ZNF573: variants seen among roughly 807,000 people sequenced by gnomAD.
ZNF573 encodes zinc finger protein 573.
Under a neutral mutation model 57.4 loss-of-function variants are expected in ZNF573, and 41 were observed. The ratio of observed to expected loss-of-function variants is 0.71; its 90% CI spans 0.56 to 0.93. The LOEUF (loss-of-function observed/expected upper bound fraction) is 0.93, where lower values mean the gene tolerates loss of function less well. Among genes scored for constraint, ZNF573 ranks in the 40% least tolerant of loss-of-function variants. The pLI, the probability that ZNF573 is intolerant of heterozygous loss-of-function variation, is 0.00. For synonymous variants in ZNF573, 249 were observed against 261.0 expected, an observed-to-expected ratio of 0.95 and a Z score of 0.44; for missense variants, 730 against 794.8, an observed-to-expected ratio of 0.92 and a Z score of 0.98.
chr19:37,743,659 A>C (rs1004710266), intron 4 of ZNF573, among the ~76,000 whole-genome samples: 26 of 152,216 alleles, frequency 1.7e-4, no homozygotes, highest in Non-Finnish European at 2.6e-4. Flanking sequence ...AAGAAATATA[A>C]ATCATTCTAC....
At chr19:37,771,391 A>G (rs1452466461) in intron 3 of ZNF573, among the ~76,000 whole-genome samples, 173 bp downstream of exon 3, 1 of 152,194 alleles carries the variant, frequency 6.6e-6, no homozygotes, top group East Asian at 1.9e-4. Context: ...GGATGAAGAA[A>G]ATGATGGTGC....
At chr19:37,774,169 GCT>G (rs2045686189) in intron 1 of ZNF573, among the ~76,000 whole-genome samples, 1 of 122,486 alleles carries the variant, frequency 8.2e-6, no homozygotes, top group Non-Finnish European at 1.6e-5. Flanking sequence ...ATGGAGACTC[GCT>G]CTGTTGCCCA....
Position 37,738,939 on chromosome 19 carries a change from C to G in ZNF573, c.1551G>C (p.Gln517His). 2 of 1,610,724 alleles carry G rather than the reference C, an allele frequency of 1.2e-6. No individual in the cohort carries two copies. The highest frequency in any genetic ancestry group is 1.7e-6 in the Non-Finnish European group (2 of 1,177,156). ...FSLHGYLNQH[Q>H]KIHTGMKPYE... ...AGGGTTTCATACCAGTATGAATTTT[C>G]TGATGTTGATTAAGATATCCATGCA... The change falls in exon 5 of 5, where the codon CAG (glutamine) becomes CAC (histidine). Residue 517 changes from glutamine to histidine, a missense_variant. By Grantham distance (24) the Gln-to-His change is conservative (BLOSUM62 0). Transcript: ENST00000536220.
intron 2 of ZNF573, 35 bp from the exon 3 acceptor site, chr19:37,771,731 T>C (rs1485608051): frequency 1.9e-6 from 3 of 1,575,968 alleles, no homozygotes; most frequent in Non-Finnish European, 2.6e-6. Context: ...TTTAAAAACA[T>C]TTTAAAGAAG....
chr19:37,765,337 A>C (rs1219122588), intron 4 of ZNF573, among the ~76,000 whole-genome samples: 2 of 152,230 alleles, frequency 1.3e-5, no homozygotes, highest in African/African-American at 4.8e-5. Context: ...CTTATGGCTG[A>C]CTAAAGGCTT....
At chr19:37,745,588 G>T (rs1264298252) in intron 4 of ZNF573, among the ~76,000 whole-genome samples, 1 of 151,872 alleles carries the variant, frequency 6.6e-6, no homozygotes. Flanking sequence ...TAGAGACAGG[G>T]TTTCACCATG....
rs74437645 is a variant in ZNF573 at position 37,763,250 on chromosome 19, T to TTA, written c.295+6753_295+6754dup. Among the ~76,000 whole-genome samples the TTA allele has an allele frequency of 3.0e-3, 453 of 149,856 alleles. 7 individuals are homozygous for TTA. In the South Asian group the frequency reaches 0.041, roughly 14 times the overall value. On this transcript the variant is annotated intron_variant, in intron 4 of 4. Transcript: ENST00000536220. ...ACCAAATACCCAAGAACAACTATAGTTATATATATATATATTATAAATATA... is the reference window on the plus strand; with the variant it reads ...ACCAAATACCCAAGAACAACTATAGTTATATATATATATATATTATAAATATA...
At chr19:37,778,917 C>T (rs971733492) in intron 1 of ZNF573, among the ~76,000 whole-genome samples, 6 of 152,150 alleles carry the variant, frequency 3.9e-5, no homozygotes, top group Admixed American at 3.9e-4. Context: ...GGTTCTGAGA[C>T]AGGTAGCTCG....
At chr19:37,765,479 G>A (rs1174822502) in intron 4 of ZNF573, among the ~76,000 whole-genome samples, 2 of 152,112 alleles carry the variant, frequency 1.3e-5, no homozygotes, top group Non-Finnish European at 2.9e-5. Context: ...GGGAGGCCGA[G>A]GCAGGCGGAT....
At chr19:37,769,860 A>T in intron 4 of ZNF573, 145 bp downstream of exon 4, 1 of 665,498 alleles carries the variant, frequency 1.5e-6, no homozygotes, top group Middle Eastern at 2.6e-4. Context: ...TTATGCTACG[A>T]TCTTTATTCC....
At chr19:37,777,242 G>A (rs528369577) in intron 1 of ZNF573, among the ~76,000 whole-genome samples, 135 of 152,148 alleles carry the variant, frequency 8.9e-4, no homozygotes, top group African/African-American at 3.0e-3. Context: ...TCGAACTCCT[G>A]GCCTTAAGTG....
Position 37,738,758 on chromosome 19 carries a change from C to G in ZNF573, c.1732G>C (p.Asp578His), listed in dbSNP as rs145613747. ...TCTTTACATTCATAGGGTTTTTTATCAGCATGAATGCTCTGATGTGCAGTA... is the reference window on the plus strand; with the variant it reads ...TCTTTACATTCATAGGGTTTTTTATGAGCATGAATGCTCTGATGTGCAGTA... Reference protein sequence around the residue: ...HLTAHQSIHADKKPYECKECG... With the variant: ...HLTAHQSIHAHKKPYECKECG... The change falls in exon 5 of 5, where the codon GAT becomes CAT. Residue 578 changes from aspartate to histidine, a missense_variant. Asp to His is a moderately conservative substitution (Grantham distance 81). Transcript: ENST00000536220. 1.9e-6 allele frequency: 3 copies of G among 1,613,940 alleles called. No individual in the cohort carries two copies. Among genetic ancestry groups the G allele is most frequent in the African/African-American group, 1.3e-5 (1 of 75,022 alleles).
intron 1 of ZNF573, among the ~76,000 whole-genome samples, chr19:37,773,952 C>T (rs1252206226): frequency 6.6e-6 from 1 of 151,996 alleles, no homozygotes; most frequent in Admixed American, 6.6e-5. Flanking sequence ...GTCAATGGCT[C>T]ACTAAAGCCA....
intron 4 of ZNF573, among the ~76,000 whole-genome samples, chr19:37,743,183 G>T (rs1349335126): frequency 6.6e-6 from 1 of 151,998 alleles, no homozygotes; most frequent in African/African-American, 2.4e-5. Context: ...AGCCAGGCAT[G>T]GTGGCAGGTG....
intron 4 of ZNF573, among the ~76,000 whole-genome samples, chr19:37,763,621 T>C (rs1247466375): frequency 3.3e-5 from 5 of 151,948 alleles, no homozygotes; most frequent in African/African-American, 1.2e-4. Context: ...GGAGAAAGCA[T>C]ATGATGCAAT....
At chr19:37,777,442 A>G (rs974561347) in intron 1 of ZNF573, among the ~76,000 whole-genome samples, 2 of 152,224 alleles carry the variant, frequency 1.3e-5, no homozygotes, top group Admixed American at 1.3e-4. Flanking sequence ...ACATATATAT[A>G]CACTATGGAA....
chr19:37,746,145 T>C (rs1419626079), intron 4 of ZNF573, among the ~76,000 whole-genome samples: 1 of 152,248 alleles, frequency 6.6e-6, no homozygotes, highest in African/African-American at 2.4e-5. Context: ...TATATACTGC[T>C]TGTAGGTAAT....
In ZNF573 at chr19:37,777,427, C is replaced by G. The variant is rs147512903; in HGVS notation, c.-23+2117G>C. 4.7e-3 allele frequency among the ~76,000 whole-genome samples: 716 copies of G among 152,038 alleles called. 10 individuals carry two copies. Among genetic ancestry groups the G allele is most frequent in the African/African-American group, 0.017 (685 of 41,458 alleles). On this transcript the variant is annotated intron_variant, in intron 1 of 4. Transcript: ENST00000536220. ...AAGTGGATAAAGAAAATTTGGTGTACGTACACATATATATACACTATGGAA... is the reference window on the plus strand; with the variant it reads ...AAGTGGATAAAGAAAATTTGGTGTAGGTACACATATATATACACTATGGAA...
intron 4 of ZNF573, chr19:37,759,169 G>T: frequency 1.7e-6 from 1 of 599,726 alleles, no homozygotes; most frequent in Non-Finnish European, 2.1e-6. Flanking sequence ...ACAAAATAAC[G>T]AATCACACAA....
Sources: gnomAD v4.1 joint callset for allele counts (sites outside exome capture counted in the v4.1 genomes callset) on GRCh38, gnomAD v4.1.1 for gene constraint, MANE v1.5 for transcripts, NCBI Gene and HGNC (gene_info 2026-07-23, HGNC 2026-07-21) for gene names.